The following ADCY8 variants were observed in gnomAD, a reference collection of about 807,000 sequenced individuals.
The protein encoded by ADCY8 is adenylate cyclase 8, also known as adenylate cyclase type 8.
Under a neutral mutation model 119.7 loss-of-function variants are expected in ADCY8, and 51 were observed. The observed-to-expected ratio is 0.43, with a 90% CI of 0.34 to 0.54. The LOEUF is 0.54. ADCY8 is among the 20% of genes least tolerant of loss of function. The probability of loss-of-function intolerance (pLI) is 0.03; values close to 1 mark genes in which losing one functional copy is unlikely to be tolerated. For missense variants in ADCY8, 1,383 were observed against 1,598.8 expected (o/e 0.87, Z 2.30); for synonymous variants, 665 against 651.0 (o/e 1.02, Z -0.33).
At chr8:130,882,819 G>C (rs1255819717) in intron 8 of ADCY8, among the ~76,000 whole-genome samples, 1 of 152,126 alleles carries the variant, frequency 6.6e-6, no homozygotes, top group African/African-American at 2.4e-5. Flanking sequence ...ACAGTCCCTA[G>C]AGATGGTCTC....
Position 130,780,350 on chromosome 8 carries a change from TA to T in ADCY8, c.*39del. 8.2e-7 allele frequency: 1 copy of T among 1,222,622 alleles called. No individual in the cohort carries two copies. The highest frequency in any genetic ancestry group is 1.0e-6 in the Non-Finnish European group (1 of 976,730). The allele number at this position is 1,222,622 out of a possible 1,614,324, so 75.7% of individuals were successfully genotyped here. A position where few individuals can be genotyped will look rare whatever the true frequency, so the allele number is the denominator to read the frequency against. On this transcript the variant is annotated 3_prime_UTR_variant, in exon 18 of 18. Transcript: ENST00000286355. ...TTTATTAGTATATTTATTTTATATA[TA>T]AAAGAAATACAAAAAAAAAAAACAG...
chr8:130,821,165 C>T (rs1237141477), intron 13 of ADCY8, among the ~76,000 whole-genome samples, 177 bp downstream of exon 13: 1 of 152,130 alleles, frequency 6.6e-6, no homozygotes, highest in East Asian at 1.9e-4. Context: ...CATTGTTTAC[C>T]AGATCTTCTC....
chr8:130,821,338 T>C lies in ADCY8; in HGVS notation c.2754+4A>G, dbSNP rs980088169. 2 of 1,611,900 alleles carry C rather than the reference T, an allele frequency of 1.2e-6. No individual in the cohort carries two copies. Among genetic ancestry groups the C allele is most frequent in the South Asian group, 1.1e-5 (1 of 90,936 alleles). On this transcript the variant is annotated splice_donor_region_variant and intron_variant, in intron 13 of 17. Coordinates refer to ENST00000286355, the MANE Select transcript of ADCY8 (RefSeq NM_001115.3). The stretch of plus-strand genomic sequence containing the variant: ...AGAGCAGTCAGAGCGAAATGTTAGA[T>C]TACCTGCTGTCCATGGTAGAACACA...
Position 130,959,340 on chromosome 8 carries a change from T to G in ADCY8, c.1111-7342A>C, listed in dbSNP as rs547019030. The stretch of plus-strand genomic sequence containing the variant: ...TTTTCTCGGTTACAGGAAAAATGGG[T>G]GAGTATAGATACCCAATTTACACAT... On this transcript the variant is annotated intron_variant, in intron 2 of 17. Coordinates refer to ENST00000286355, the MANE Select transcript of ADCY8 (RefSeq NM_001115.3). Among the ~76,000 whole-genome samples, 82 of 152,284 alleles carry G rather than the reference T, an allele frequency of 5.4e-4. 2 individuals carry two copies. The Middle Eastern group carries it at 0.017, about 32-fold the overall frequency.
At position 130,961,450 on chromosome 8, in the gene ADCY8, T is replaced by C. The variant is rs117709198; in HGVS notation, c.1111-9452A>G. Among the ~76,000 whole-genome samples, 8 of 38,344 alleles carry C rather than the reference T, an allele frequency of 2.1e-4. No homozygotes were observed. In the East Asian group the frequency reaches 0.012, roughly 57 times the overall value. 25.2% of individuals were successfully genotyped at this position (38,344 alleles called of 152,430 possible). ...TCATAAATCTCTTCATAAATCTCTT[T>C]ATGAAGAGATTTATGAGTCTTTATG... On this transcript the variant is annotated intron_variant, in intron 2 of 17. Coordinates refer to ENST00000286355, the MANE Select transcript of ADCY8 (RefSeq NM_001115.3).
In ADCY8 at chr8:130,909,814, A is replaced by G. The variant is rs1446681276; in HGVS notation, c.1534T>C (p.Ser512Pro). 3 of 1,614,162 alleles carry G rather than the reference A, an allele frequency of 1.9e-6. No homozygotes were observed. ...AAAACACCGCACAGCACCGAGCCGG[A>G]GTGGATTCCAATCCTCATGTCAACA... is the stretch of plus-strand genomic sequence containing the variant. ...HDVDMRIGIH[S>P]GSVLCGVLGL... The change falls in exon 6 of 18, where the codon TCC becomes CCC. Residue 512 changes from serine (S) to proline (P), a missense_variant. Ser to Pro is a moderately conservative substitution (Grantham distance 74). This residue lies in a region of ADCY8 where 928 missense variants were observed against 1,163.5 expected (regional missense o/e 0.80). Coordinates refer to ENST00000286355, the MANE Select transcript of ADCY8 (RefSeq NM_001115.3).
chr8:130,780,982 G>A, intron 17 of ADCY8, 105 bp from the exon 18 acceptor site: 2 of 1,454,426 alleles, frequency 1.4e-6, no homozygotes, highest in Non-Finnish European at 1.9e-6. Flanking sequence ...GGTCTCTGTG[G>A]ATGAACGGGA....
intron 14 of ADCY8, among the ~76,000 whole-genome samples, chr8:130,805,972 G>A (rs1815937811): frequency 6.6e-6 from 1 of 152,214 alleles, no homozygotes; most frequent in South Asian, 2.1e-4. Flanking sequence ...CAGTGACCCT[G>A]TCTTTCCCCA....
At chr8:130,799,925 G>A (rs80156847) in intron 15 of ADCY8, among the ~76,000 whole-genome samples, 13,862 of 133,162 alleles carry the variant, frequency 0.1, 2,084 homozygotes, top group African/African-American at 0.35. Context: ...GAAGTGCAGC[G>A]TGAGCATTTC....
intron 1 of ADCY8, among the ~76,000 whole-genome samples, chr8:131,036,610 CAAAT>C (rs1351498861): frequency 6.6e-6 from 1 of 152,060 alleles, no homozygotes; most frequent in Non-Finnish European, 1.5e-5. Flanking sequence ...TAGATATAAA[CAAAT>C]AAGATAATTT....
intron 2 of ADCY8, among the ~76,000 whole-genome samples, chr8:130,986,637 C>T (rs1822409254): frequency 6.6e-6 from 1 of 152,188 alleles, no homozygotes; most frequent in Non-Finnish European, 1.5e-5. Context: ...AGTAGAGACA[C>T]ATTAGGAGGG....
At chr8:130,943,207 G>A (rs1270534743) in intron 4 of ADCY8, 144 bp downstream of exon 4, 2 of 576,092 alleles carry the variant, frequency 3.5e-6, no homozygotes, top group African/African-American at 3.7e-5. Flanking sequence ...TCCCCAGAAT[G>A]TGAGAGGGTC....
intron 8 of ADCY8, among the ~76,000 whole-genome samples, chr8:130,874,293 G>T (rs1285913246): frequency 6.7e-6 from 1 of 150,242 alleles, no homozygotes; most frequent in Non-Finnish European, 1.5e-5. Context: ...GGAAGACAAA[G>T]CAAGACTCTG....
At chr8:130,878,102 A>T (rs763721807) in intron 8 of ADCY8, among the ~76,000 whole-genome samples, 1 of 152,192 alleles carries the variant, frequency 6.6e-6, no homozygotes, top group African/African-American at 2.4e-5. Flanking sequence ...GGGGCAGACA[A>T]TCATACTCAT....
At chr8:130,849,500 A>C in intron 10 of ADCY8, 102 bp downstream of exon 10, 1 of 1,200,580 alleles carries the variant, frequency 8.3e-7, no homozygotes, top group Non-Finnish European at 1.2e-6. Context: ...CATAAAGGTA[A>C]CTGGTACCAA....
intron 1 of ADCY8, among the ~76,000 whole-genome samples, chr8:131,031,251 C>G (rs1220170465): frequency 6.6e-6 from 1 of 152,190 alleles, no homozygotes. Context: ...TCTCAAAAAG[C>G]AGCTCCCTGG....
At chr8:130,910,128 C>T (rs1819935936) in intron 5 of ADCY8, among the ~76,000 whole-genome samples, 1 of 151,970 alleles carries the variant, frequency 6.6e-6, no homozygotes, top group Admixed American at 6.6e-5. Flanking sequence ...AGCCACCACG[C>T]CCGTCCACCT....
intron 12 of ADCY8, among the ~76,000 whole-genome samples, chr8:130,824,229 T>C (rs1445907819): frequency 6.6e-6 from 1 of 152,242 alleles, no homozygotes; most frequent in African/African-American, 2.4e-5. Context: ...ATTTATCTTT[T>C]ATTCTGTTGT....
intron 15 of ADCY8, among the ~76,000 whole-genome samples, chr8:130,799,502 T>C (rs900915911): frequency 2.0e-5 from 3 of 152,300 alleles, no homozygotes; most frequent in South Asian, 2.1e-4. Flanking sequence ...TGTTTTTTTT[T>C]CCCGCCCCAA....
Sources: gnomAD v4.1 joint callset for allele counts (sites outside exome capture counted in the v4.1 genomes callset) on GRCh38, gnomAD v4.1.1 for gene constraint, gnomAD v4.1.1 regional missense constraint, MANE v1.5 for transcripts, NCBI Gene and HGNC (gene_info 2026-07-23, HGNC 2026-07-21) for gene names.